The following POU6F2 variants were observed in gnomAD, a reference collection of about 807,000 sequenced individuals.
The protein encoded by POU6F2 is POU domain, class 6, transcription factor 2.
POU6F2 carries 31 observed loss-of-function variants against 71.3 expected under a neutral mutation model. That is an observed-to-expected ratio of 0.43 (90% CI 0.33 to 0.59). POU6F2 has a LOEUF of 0.59. Among genes scored for constraint, POU6F2 ranks in the 20% least tolerant of loss-of-function variants. The pLI is 0.04. For synonymous variants in POU6F2, 347 were observed against 355.7 expected, an observed-to-expected ratio of 0.98 and a Z score of 0.27; for missense variants, 783 against 856.8, an observed-to-expected ratio of 0.91 and a Z score of 1.07.
chr7:39,088,188 G>A (rs376137673), intron 2 of POU6F2, among the ~76,000 whole-genome samples: 2 of 152,096 alleles, frequency 1.3e-5, no homozygotes, highest in South Asian at 4.1e-4. Context: ...CAAGAAGAAA[G>A]CAGTAGATTA....
At chr7:39,180,231 T>G (rs541259724) in intron 2 of POU6F2, among the ~76,000 whole-genome samples, 1 of 152,142 alleles carries the variant, frequency 6.6e-6, no homozygotes, top group Non-Finnish European at 1.5e-5. Flanking sequence ...CAAAGCAAAC[T>G]AGCATGCTTT....
intron 4 of POU6F2, among the ~76,000 whole-genome samples, chr7:39,238,883 A>G (rs1322397772): frequency 6.6e-6 from 1 of 152,188 alleles, no homozygotes; most frequent in Non-Finnish European, 1.5e-5. Flanking sequence ...ATTGCTACAC[A>G]CAGAAACGTG....
At chr7:39,128,472 G>T (rs1290426879) in intron 2 of POU6F2, among the ~76,000 whole-genome samples, 1 of 152,174 alleles carries the variant, frequency 6.6e-6, no homozygotes, top group Non-Finnish European at 1.5e-5. Flanking sequence ...TTTGGCACAT[G>T]TGGATTATTA....
At chr7:39,418,894 CAT>C (rs34484750) in intron 6 of POU6F2, among the ~76,000 whole-genome samples, 238 of 118,568 alleles carry the variant, frequency 2.0e-3, no homozygotes, top group East Asian at 7.3e-3. Context: ...GTGCTCTCTT[CAT>C]GTGTGTGTGT....
At chr7:39,192,817 A>G (rs1368748696) in intron 2 of POU6F2, among the ~76,000 whole-genome samples, 2 of 152,174 alleles carry the variant, frequency 1.3e-5, no homozygotes, top group Non-Finnish European at 2.9e-5. Context: ...CTGTGGGTGC[A>G]TTCCTGCTTT....
chr7:38,991,703 A>T (rs896577059), intron 1 of POU6F2, among the ~76,000 whole-genome samples: 11 of 152,086 alleles, frequency 7.2e-5, no homozygotes, highest in Non-Finnish European at 1.5e-5. Flanking sequence ...TTTTTTCAGG[A>T]AAGAGTGATA....
At chr7:39,415,128 A>T (rs769365293) in intron 6 of POU6F2, among the ~76,000 whole-genome samples, 11 of 152,100 alleles carry the variant, frequency 7.2e-5, no homozygotes, top group Non-Finnish European at 1.3e-4. Flanking sequence ...GGTTCAAGCG[A>T]TTCTCCTGCT....
chr7:39,207,245 C>A, intron 3 of POU6F2, 147 bp from the exon 4 acceptor site: 5 of 667,278 alleles, frequency 7.5e-6, no homozygotes, highest in East Asian at 2.9e-5. Context: ...TTTTTTCTAC[C>A]AATCATTTTT....
intron 2 of POU6F2, among the ~76,000 whole-genome samples, chr7:39,134,267 G>GT (rs1309616384): frequency 1.3e-5 from 2 of 152,152 alleles, no homozygotes; most frequent in Non-Finnish European, 2.9e-5. Flanking sequence ...TAAGGCAGTG[G>GT]TTTTTAGCAT....
At chr7:39,410,136 C>T (rs1377495531) in intron 6 of POU6F2, among the ~76,000 whole-genome samples, 7 of 152,116 alleles carry the variant, frequency 4.6e-5, no homozygotes, top group Non-Finnish European at 1.0e-4. Flanking sequence ...TCACTTGACT[C>T]CAGGAATTTG....
chr7:39,052,702 TA>T (rs1337661132), intron 1 of POU6F2, among the ~76,000 whole-genome samples: 1 of 152,138 alleles, frequency 6.6e-6, no homozygotes, highest in African/African-American at 2.4e-5. Flanking sequence ...TGAAATTTGA[TA>T]TATCTAATGG....
At chr7:39,369,648 G>A (rs1354171301) in intron 5 of POU6F2, among the ~76,000 whole-genome samples, 1 of 152,050 alleles carries the variant, frequency 6.6e-6, no homozygotes, top group Non-Finnish European at 1.5e-5. Flanking sequence ...ACAAGCATGA[G>A]CCACCATGCC....
chr7:39,385,149 A>G (rs1424986377), intron 5 of POU6F2, among the ~76,000 whole-genome samples: 2 of 152,246 alleles, frequency 1.3e-5, no homozygotes, highest in East Asian at 3.8e-4. Context: ...AGCTAGGCTT[A>G]TATCATTTCT....
In POU6F2 at chr7:39,288,396, G is replaced by A. The variant is rs1784690429; in HGVS notation, c.599-51246G>A. Among the ~76,000 whole-genome samples, 3 of 152,190 alleles carry A rather than the reference G, an allele frequency of 2.0e-5. 1 individual carries two copies. In the South Asian group the frequency reaches 6.2e-4, roughly 32 times the overall value. On this transcript the variant is annotated intron_variant, in intron 4 of 9. Transcript: ENST00000518318. The stretch of plus-strand genomic sequence containing the variant: ...ATAATCATGCTCATCTCATAGGACA[G>A]AGGAGGATAAACTAATATAGAGCTT...
At chr7:39,207,682 G>C (rs757436590) in intron 4 of POU6F2, 62 bp downstream of exon 4, 25 of 1,454,166 alleles carry the variant, frequency 1.7e-5, no homozygotes, top group Non-Finnish European at 2.3e-5. Flanking sequence ...TCTCTGAAGT[G>C]GGCAAAAAAA....
intron 2 of POU6F2, among the ~76,000 whole-genome samples, chr7:39,192,993 C>G (rs1279602210): frequency 6.6e-6 from 1 of 152,120 alleles, no homozygotes; most frequent in Admixed American, 6.5e-5. Context: ...GCTTCTTGCA[C>G]TTTACCGTGG....
intron 4 of POU6F2, among the ~76,000 whole-genome samples, chr7:39,259,204 A>C (rs1464023669): frequency 3.3e-5 from 5 of 152,206 alleles, no homozygotes; most frequent in African/African-American, 1.2e-4. Context: ...TATAAACTTA[A>C]GCGGCAGCTG....
intron 1 of POU6F2, among the ~76,000 whole-genome samples, chr7:39,048,019 T>C (rs1790325424): frequency 1.3e-5 from 2 of 151,932 alleles, no homozygotes; most frequent in African/African-American, 4.8e-5. Flanking sequence ...ATAGGCCTCG[T>C]AGAATGATTT....
intron 2 of POU6F2, among the ~76,000 whole-genome samples, chr7:39,121,088 T>A (rs1405180629): frequency 6.6e-6 from 1 of 152,204 alleles, no homozygotes; most frequent in Non-Finnish European, 1.5e-5. Context: ...TAGTTCTATA[T>A]AACAGAGAGA....
Sources: allele counts gnomAD v4.1 joint callset (sites outside exome capture counted in the v4.1 genomes callset), GRCh38; gene constraint gnomAD v4.1.1; transcripts MANE v1.5; gene names NCBI Gene and HGNC (gene_info 2026-07-23, HGNC 2026-07-21).